COL27A1: variants seen among roughly 807,000 people sequenced by gnomAD.
The protein encoded by COL27A1 is collagen alpha-1(XXVII) chain.
Under a neutral mutation model 251.3 loss-of-function variants are expected in COL27A1, and 106 were observed. That is an observed-to-expected ratio of 0.42 (90% CI 0.36 to 0.50). The LOEUF is 0.50. Ranked by LOEUF, COL27A1 falls within the 20% of genes least tolerant of loss-of-function variation. The probability of loss-of-function intolerance (pLI) is 0.00; values close to 1 mark genes in which losing one functional copy is unlikely to be tolerated. For synonymous variants in COL27A1, 1,000 were observed against 986.3 expected, an observed-to-expected ratio of 1.01 and a Z score of -0.26; for missense variants, 2,325 against 2,522.8, an observed-to-expected ratio of 0.92 and a Z score of 1.68.
At chr9:114,220,708 C>G (rs1831036605) in intron 13 of COL27A1, among the ~76,000 whole-genome samples, 2 of 152,132 alleles carry the variant, frequency 1.3e-5, no homozygotes, top group Non-Finnish European at 2.9e-5. Context: ...GAATTCCAGC[C>G]TGAGGCCGGG....
chr9:114,294,893 A>C (rs563254504), intron 49 of COL27A1, among the ~76,000 whole-genome samples: 11 of 152,382 alleles, frequency 7.2e-5, no homozygotes, highest in African/African-American at 2.4e-4. Flanking sequence ...AGGAAGAATT[A>C]AAACTTTTCA....
At chr9:114,190,142 C>T (rs1828652893) in intron 5 of COL27A1, among the ~76,000 whole-genome samples, 1 of 152,216 alleles carries the variant, frequency 6.6e-6, no homozygotes, top group African/African-American at 2.4e-5. Flanking sequence ...TCTCTTGAGA[C>T]TCTGTTCACT....
intron 49 of COL27A1, among the ~76,000 whole-genome samples, chr9:114,296,326 G>A (rs78534924): frequency 0.015 from 2,248 of 152,194 alleles, 60 homozygotes; most frequent in African/African-American, 0.051. Context: ...ATTTGTATCC[G>A]GAACCTAAAA....
At chr9:114,285,272 G>A (rs139234588) in intron 41 of COL27A1, among the ~76,000 whole-genome samples, 104 of 152,224 alleles carry the variant, frequency 6.8e-4, no homozygotes, top group African/African-American at 2.2e-3. Flanking sequence ...CATTCCCCAC[G>A]CCTTGGCTCA....
rs1270271257 is a variant in COL27A1, at chr9:114,275,744, C to A, written c.3693C>A (p.Gly1231=). The A allele has an allele frequency of 1.9e-6, 3 of 1,547,396 alleles. No individual in the cohort carries two copies. Among genetic ancestry groups the A allele is most frequent in the Admixed American group, 2.0e-5 (1 of 50,868 alleles). Residue 1231 remains glycine, a synonymous_variant, in exon 37 of 61, where the codon GGC becomes GGA. Transcript: ENST00000356083. ...EGLMGEDGPP[G]PPGVTGVRGP... is the part of the protein sequence containing the mutation. The stretch of plus-strand genomic sequence containing the variant: ...TGATGGGTGAGGACGGGCCCCCCGG[C>A]CCCCCTGGCGTCACTGGTGTCCGGG...
At chr9:114,245,159 T>TG (rs1833037812) in intron 23 of COL27A1, among the ~76,000 whole-genome samples, 1 of 130,950 alleles carries the variant, frequency 7.6e-6, no homozygotes, top group Admixed American at 7.6e-5. Context: ...TTTTTTTTTT[T>TG]TTTTTTTTTT....
intron 14 of COL27A1, among the ~76,000 whole-genome samples, chr9:114,225,782 TGAA>T: frequency 6.6e-6 from 1 of 152,354 alleles, no homozygotes. Context: ...GCATGCAGAC[TGAA>T]GCCAAACCTT....
At chr9:114,251,824 A>G (rs1325705738) in intron 25 of COL27A1, among the ~76,000 whole-genome samples, 1 of 152,244 alleles carries the variant, frequency 6.6e-6, no homozygotes, top group African/African-American at 2.4e-5. Flanking sequence ...TCTGCCCCCA[A>G]GTGGGTCAAG....
chr9:114,309,407 C>T lies in COL27A1; in HGVS notation c.5365C>T (p.Arg1789Trp), dbSNP rs1207484311. Residue 1789 changes from arginine to tryptophan, a missense_variant, in exon 60 of 61, where the codon CGG (arginine) becomes TGG (tryptophan). Physicochemically the swap from Arg to Trp is moderately radical, Grantham distance 101. Around this residue, in one of 4 missense-constraint regions of COL27A1, gnomAD observed 327 missense variants for 442.8 expected, o/e 0.74. Transcript: ENST00000356083. ...QTPAKQAVRFRAWNGQIFEAG... is the reference protein window; with the variant it reads ...QTPAKQAVRFWAWNGQIFEAG... Reference sequence around the variant, plus strand: ...CCCAGCCAAGCAGGCCGTACGCTTCCGGGCCTGGAATGGACAGATTTTTGA... The same window carrying T: ...CCCAGCCAAGCAGGCCGTACGCTTCTGGGCCTGGAATGGACAGATTTTTGA... 6.2e-6 allele frequency: 10 copies of T among 1,613,988 alleles called. No homozygotes were observed. The highest frequency in any genetic ancestry group is 5.0e-5 in the Admixed American group (3 of 60,006).
intron 13 of COL27A1, among the ~76,000 whole-genome samples, chr9:114,221,290 G>A (rs1476578101): frequency 6.6e-6 from 1 of 152,162 alleles, no homozygotes; most frequent in Non-Finnish European, 1.5e-5. Flanking sequence ...AGGGGCACCA[G>A]CAAAGGCATG....
chr9:114,258,832 G>C (rs144271705), intron 28 of COL27A1, among the ~76,000 whole-genome samples: 1 of 152,178 alleles, frequency 6.6e-6, no homozygotes, highest in Non-Finnish European at 1.5e-5. Context: ...CGGGCTCTCC[G>C]GTACTAGTTC....
At chr9:114,289,851 C>A (rs1306745188) in intron 45 of COL27A1, among the ~76,000 whole-genome samples, 6 of 152,182 alleles carry the variant, frequency 3.9e-5, no homozygotes, top group Non-Finnish European at 7.3e-5. Flanking sequence ...TGAGGGGACA[C>A]CAAGGCCCAG....
chr9:114,205,181 TC>T, intron 8 of COL27A1, 35 bp downstream of exon 8: 1 of 1,598,040 alleles, frequency 6.3e-7, no homozygotes, highest in Non-Finnish European at 8.5e-7. Flanking sequence ...CCCTGGTCGC[TC>T]TCCCTCCTCC....
At chr9:114,300,454 T>C (rs1489924601) in intron 50 of COL27A1, 171 bp from the exon 51 acceptor site, 6 of 577,468 alleles carry the variant, frequency 1.0e-5, no homozygotes, top group Non-Finnish European at 1.8e-5. Context: ...AACACACTGC[T>C]GGTACCTGCT....
chr9:114,221,666 C>A (rs550308981), intron 13 of COL27A1, among the ~76,000 whole-genome samples: 2 of 152,328 alleles, frequency 1.3e-5, no homozygotes, highest in South Asian at 4.1e-4. Flanking sequence ...CGTCTCCTGA[C>A]TCCCAGGCTA....
Position 114,169,045 on chromosome 9 carries a change from C to G in COL27A1, c.1490C>G (p.Ser497Cys), listed in dbSNP as rs758132392. The change falls in exon 3 of 61, where the codon TCT (serine) becomes TGT (cysteine). Residue 497 changes from serine to cysteine, a missense_variant. Ser to Cys is a moderately radical substitution (Grantham distance 112, BLOSUM62 -1). Transcript: ENST00000356083. ...LSSSPAPTPG[S>C]TRSTRPPATM... ...TCATCTCCTGCCCCTACTCCTGGTT[C>G]TACCAGGAGTACTCGGCCACCAGCC... The G allele has an allele frequency of 6.2e-7, 1 of 1,614,066 alleles. No homozygotes were observed.
rs56094843 is a variant in COL27A1, at chr9:114,311,548, G to GAAAAAAAAAAAAAAAAAAAAAAA, written c.*870_*871insAAAAAAAAAAAAAAAAAAAAAAA. ...AGGAGGAAAAAAGAAAAGAAAAAAG[G>GAAAAAAAAAAAAAAAAAAAAAAA]AAAAAAAAAAAAAAAAAGCAAAACA... On this transcript the variant is annotated 3_prime_UTR_variant, in exon 61 of 61. Transcript: ENST00000356083. 4 of 96,208 alleles carry GAAAAAAAAAAAAAAAAAAAAAAA rather than the reference G, an allele frequency of 4.2e-5. No individual in the cohort carries two copies. Among genetic ancestry groups the GAAAAAAAAAAAAAAAAAAAAAAA allele is most frequent in the Non-Finnish European group, 7.2e-5 (3 of 41,934 alleles). 6.0% of individuals were successfully genotyped at this position (96,208 alleles called of 1,614,324 possible).
At chr9:114,257,756 TTCC>T (rs1834028415) in intron 27 of COL27A1, among the ~76,000 whole-genome samples, 1 of 152,136 alleles carries the variant, frequency 6.6e-6, no homozygotes, top group South Asian at 2.1e-4. Context: ...TTCTCAGTTC[TTCC>T]TCCTCCTCTT....
rs1849037958 is a variant in COL27A1 at position 114,168,206 on chromosome 9, T to C, written c.651T>C (p.Ser217=). 1 of 1,613,964 alleles carries C rather than the reference T, an allele frequency of 6.2e-7. No homozygotes were observed. Among genetic ancestry groups the C allele is most frequent in the Non-Finnish European group, 8.5e-7 (1 of 1,180,020 alleles). ...VQFEGALCQF[S]IYPVTQVAHN... ...TTGAAGGTGCTCTCTGCCAGTTCAG[T>C]ATCTACCCTGTGACGCAGGTCGCTC... Residue 217 remains serine, a synonymous_variant, in exon 3 of 61, where the codon AGT becomes AGC. Transcript: ENST00000356083.
Sources: gnomAD v4.1 joint callset for allele counts (sites outside exome capture counted in the v4.1 genomes callset) on GRCh38, gnomAD v4.1.1 for gene constraint, gnomAD v4.1.1 regional missense constraint, MANE v1.5 for transcripts, NCBI Gene and HGNC (gene_info 2026-07-23, HGNC 2026-07-21) for gene names.